Variants in FGGY observed in about 807,000 individuals in gnomAD.
FGGY encodes the protein FGGY carbohydrate kinase domain containing, also known as FGGY carbohydrate kinase domain-containing protein.
A neutral mutation model predicts 71.3 loss-of-function variants in FGGY; 72 were observed. The ratio of observed to expected loss-of-function variants is 1.01; its 90% CI spans 0.84 to 1.23. The LOEUF (loss-of-function observed/expected upper bound fraction) is 1.23, where lower values mean the gene tolerates loss of function less well. Ranked by LOEUF, FGGY falls within the 50% of genes most tolerant of loss-of-function variation. FGGY has a pLI of 0.00. For synonymous variants in FGGY, 251 were observed against 250.3 expected (o/e 1.00, Z -0.02); for missense variants, 668 against 682.3 (o/e 0.98, Z 0.23).
intron 7 of FGGY, among the ~76,000 whole-genome samples, chr1:59,542,911 A>T (rs11577245): frequency 0.17 from 25,408 of 152,018 alleles, 2,529 homozygotes; most frequent in South Asian, 0.34. Flanking sequence ...TCCCTAAGGC[A>T]CCTAGGATGG....
At chr1:59,568,270 G>A (rs1571390982) in intron 8 of FGGY, among the ~76,000 whole-genome samples, 1 of 152,258 alleles carries the variant, frequency 6.6e-6, no homozygotes, top group Non-Finnish European at 1.5e-5. Context: ...AAGAAGTGTG[G>A]TAGACCTGTA....
At chr1:59,442,422 T>TTTTG (rs538851501) in intron 5 of FGGY, among the ~76,000 whole-genome samples, 4 of 143,190 alleles carry the variant, frequency 2.8e-5, no homozygotes, top group African/African-American at 8.6e-5. Flanking sequence ...GTTTGTTTGT[T>TTTTG]TTTGTTTTTG....
At chr1:59,506,301 C>T (rs1024065645) in intron 6 of FGGY, among the ~76,000 whole-genome samples, 1 of 151,474 alleles carries the variant, frequency 6.6e-6, no homozygotes, top group Non-Finnish European at 1.5e-5. Context: ...TAGGGTTTTT[C>T]TGGAAGTTTA....
intron 4 of FGGY, among the ~76,000 whole-genome samples, chr1:59,371,695 T>G (rs1425205313): frequency 2.0e-5 from 3 of 151,978 alleles, no homozygotes; most frequent in Non-Finnish European, 4.4e-5. Context: ...GAACAGAAAT[T>G]ATAACAAACT....
chr1:59,428,676 A>G (rs533964678), intron 5 of FGGY, among the ~76,000 whole-genome samples: 1 of 152,368 alleles, frequency 6.6e-6, no homozygotes, highest in African/African-American at 2.4e-5. Flanking sequence ...AATAATCCAG[A>G]TAAAACATCC....
chr1:59,627,454 TTATATATATATATATATATATATA>T (rs60500862), intron 10 of FGGY, among the ~76,000 whole-genome samples: 5 of 97,332 alleles, frequency 5.1e-5, no homozygotes, highest in East Asian at 2.7e-4. Flanking sequence ...ACTTATGATT[TTATATATATATATATATATATATA>T]TATATATATA....
chr1:59,375,293 A>G (rs1009042010), intron 4 of FGGY, among the ~76,000 whole-genome samples: 8 of 150,310 alleles, frequency 5.3e-5, no homozygotes, highest in African/African-American at 1.9e-4. Flanking sequence ...AGAAACAAAC[A>G]AAAAAAAACT....
chr1:59,516,631 A>G (rs565298857), intron 7 of FGGY, among the ~76,000 whole-genome samples: 2 of 152,310 alleles, frequency 1.3e-5, no homozygotes, highest in East Asian at 3.9e-4. Context: ...GTGATTCTGT[A>G]TAGGTTGAGG....
In FGGY at chr1:59,635,961, T is replaced by C. The variant is rs76444224; in HGVS notation, c.1074-2267T>C. Among the ~76,000 whole-genome samples, 1,432 of 152,316 alleles carry C rather than the reference T, an allele frequency of 9.4e-3. 25 individuals carry two copies. Among genetic ancestry groups the C allele is most frequent in the African/African-American group, 0.033 (1,379 of 41,572 alleles). On this transcript the variant is annotated intron_variant, in intron 10 of 15. Transcript: ENST00000303721. ...TCTCTTCACCTCTTGAAGCATCTCC[T>C]CTGTATGTTAGTGGTACCTCCCCAA...
intron 6 of FGGY, among the ~76,000 whole-genome samples, chr1:59,487,131 T>G (rs573242211): frequency 3.5e-4 from 53 of 152,270 alleles, no homozygotes; most frequent in Non-Finnish European, 6.9e-4. Flanking sequence ...AAAGGAGATA[T>G]TCACACTAAA....
At chr1:59,635,518 C>A (rs376570565) in intron 10 of FGGY, among the ~76,000 whole-genome samples, 11 of 140,166 alleles carry the variant, frequency 7.8e-5, no homozygotes, top group African/African-American at 3.0e-4. Context: ...CCTTGAGAGG[C>A]AGAATGAAAA....
At chr1:59,573,533 TAA>T (rs1298526793) in intron 8 of FGGY, among the ~76,000 whole-genome samples, 3 of 152,284 alleles carry the variant, frequency 2.0e-5, no homozygotes, top group Non-Finnish European at 4.4e-5. Context: ...TATGTTTATG[TAA>T]AACATTGGGA....
chr1:59,593,088 A>G (rs960113542), intron 8 of FGGY, among the ~76,000 whole-genome samples: 1 of 152,382 alleles, frequency 6.6e-6, no homozygotes, highest in Admixed American at 6.5e-5. Flanking sequence ...CAGTAGCTCC[A>G]GAGAGCTAGG....
chr1:59,641,183 C>T, intron 11 of FGGY: 1 of 814,988 alleles, frequency 1.2e-6, no homozygotes. Flanking sequence ...TGAATGTCTA[C>T]AATTTTGGCT....
intron 13 of FGGY, among the ~76,000 whole-genome samples, chr1:59,672,749 G>T (rs1451631834): frequency 6.6e-6 from 1 of 152,184 alleles, no homozygotes; most frequent in Admixed American, 6.5e-5. Flanking sequence ...AGAAATCTAG[G>T]CTTTGGGAAA....
intron 5 of FGGY, among the ~76,000 whole-genome samples, chr1:59,437,800 A>G (rs1395991916): frequency 6.6e-6 from 1 of 152,334 alleles, no homozygotes; most frequent in East Asian, 1.9e-4. Flanking sequence ...GTATTGGGTT[A>G]AGGGAACTAA....
intron 13 of FGGY, among the ~76,000 whole-genome samples, chr1:59,672,202 G>T (rs1292475583): frequency 6.6e-6 from 1 of 152,192 alleles, no homozygotes; most frequent in Non-Finnish European, 1.5e-5. Flanking sequence ...CCCTCTGGAT[G>T]GTTGATGGGA....
chr1:59,707,575 G>A (rs923452818), intron 14 of FGGY, among the ~76,000 whole-genome samples: 4 of 152,212 alleles, frequency 2.6e-5, no homozygotes, highest in African/African-American at 4.8e-5. Context: ...TAGGCTGAGG[G>A]TAAACCAAAA....
chr1:59,431,696 A>G (rs2067397553), intron 5 of FGGY, among the ~76,000 whole-genome samples: 1 of 152,216 alleles, frequency 6.6e-6, no homozygotes, highest in African/African-American at 2.4e-5. Flanking sequence ...ATAGATGAAG[A>G]AGGAACACAC....
Sources: allele counts gnomAD v4.1 joint callset (sites outside exome capture counted in the v4.1 genomes callset), GRCh38; gene constraint gnomAD v4.1.1; transcripts MANE v1.5; gene names NCBI Gene and HGNC (gene_info 2026-07-23, HGNC 2026-07-21).